Variants in ZNF423 observed in about 807,000 individuals in gnomAD.
The protein encoded by ZNF423 is zinc finger protein 423.
In ZNF423, 12 loss-of-function variants were observed where a neutral mutation model predicts 95.8. That is an observed-to-expected ratio of 0.13 (90% CI 0.08 to 0.20). ZNF423 has a LOEUF of 0.20. ZNF423 is among the 10% of genes least tolerant of loss of function. ZNF423 has a pLI of 1.00. For missense variants in ZNF423, 1,316 were observed against 1,737.1 expected (o/e 0.76, Z 4.31); for synonymous variants, 749 against 711.9 (o/e 1.05, Z -0.83).
intron 5 of ZNF423, among the ~76,000 whole-genome samples, chr16:49,560,722 C>A (rs759972472): frequency 3.3e-5 from 5 of 152,118 alleles, no homozygotes; most frequent in Non-Finnish European, 7.3e-5. Flanking sequence ...TCCCCAGACA[C>A]GCCACAGTGT....
chr16:49,729,926 G>T (rs1204615406), intron 3 of ZNF423, among the ~76,000 whole-genome samples: 2 of 152,036 alleles, frequency 1.3e-5, no homozygotes, highest in African/African-American at 4.8e-5. Flanking sequence ...GAGATTTCAG[G>T]CTTTCTTCCA....
chr16:49,815,937 G>C (rs1171868168), intron 1 of ZNF423, among the ~76,000 whole-genome samples: 1 of 25,328 alleles, frequency 3.9e-5, no homozygotes, highest in South Asian at 1.5e-3. Context: ...TTTTTTTTTT[G>C]AGACAAAGTC....
intron 1 of ZNF423, among the ~76,000 whole-genome samples, chr16:49,799,159 C>A (rs1344951727): frequency 6.6e-6 from 1 of 152,172 alleles, no homozygotes; most frequent in Admixed American, 6.5e-5. Context: ...CCACCCTGAT[C>A]TTCTGTCTCT....
intron 2 of ZNF423, among the ~76,000 whole-genome samples, chr16:49,785,158 C>T (rs1046168619): frequency 6.6e-6 from 1 of 152,078 alleles, no homozygotes; most frequent in African/African-American, 2.4e-5. Flanking sequence ...CTCACCGTAA[C>T]CTCAAACTCT....
At chr16:49,493,508 T>C (rs1014810904) in intron 7 of ZNF423, among the ~76,000 whole-genome samples, 13 of 152,148 alleles carry the variant, frequency 8.5e-5, no homozygotes, top group Admixed American at 1.3e-4. Flanking sequence ...CTTGGAGGTC[T>C]GCACTTTCAC....
chr16:49,822,459 C>T (rs1351106203), intron 1 of ZNF423, among the ~76,000 whole-genome samples: 2 of 152,132 alleles, frequency 1.3e-5, no homozygotes, highest in African/African-American at 2.4e-5. Context: ...CAGGCATGAG[C>T]CACCACATCC....
At chr16:49,553,387 C>T (rs1050953828) in intron 5 of ZNF423, among the ~76,000 whole-genome samples, 1 of 152,128 alleles carries the variant, frequency 6.6e-6, no homozygotes, top group Non-Finnish European at 1.5e-5. Flanking sequence ...TGCTCTGCCA[C>T]ATAGGCTGGA....
chr16:49,559,589 T>A (rs1969951881), intron 5 of ZNF423, among the ~76,000 whole-genome samples: 1 of 152,220 alleles, frequency 6.6e-6, no homozygotes, highest in African/African-American at 2.4e-5. Context: ...CAGGACTTAA[T>A]ATCCTTGTCA....
At chr16:49,686,693 C>T (rs1183035817) in intron 3 of ZNF423, among the ~76,000 whole-genome samples, 6 of 121,678 alleles carry the variant, frequency 4.9e-5, no homozygotes, top group Admixed American at 3.5e-4. Flanking sequence ...TGTCCCCTGA[C>T]CAAGGCAGAC....
intron 5 of ZNF423, among the ~76,000 whole-genome samples, chr16:49,593,950 C>T (rs958430612): frequency 2.0e-5 from 3 of 152,100 alleles, no homozygotes; most frequent in African/African-American, 7.2e-5. Flanking sequence ...CCCGCAGGTT[C>T]CCCAGAGGCA....
chr16:49,722,032 T>C (rs890161062), intron 3 of ZNF423, among the ~76,000 whole-genome samples: 1 of 152,076 alleles, frequency 6.6e-6, no homozygotes, highest in Non-Finnish European at 1.5e-5. Context: ...TGAATAAAAA[T>C]GTCAGCAACT....
chr16:49,661,506 G>A (rs1190820450), intron 3 of ZNF423, among the ~76,000 whole-genome samples: 2 of 152,146 alleles, frequency 1.3e-5, no homozygotes, highest in Non-Finnish European at 2.9e-5. Context: ...ATTTTTTCAG[G>A]AGGAATTCGG....
intron 2 of ZNF423, among the ~76,000 whole-genome samples, chr16:49,747,909 C>T (rs546267126): frequency 5.3e-5 from 8 of 152,322 alleles, no homozygotes; most frequent in African/African-American, 1.7e-4. Flanking sequence ...TCCCTCCCTC[C>T]GGTGTGGAGG....
At chr16:49,707,085 C>G (rs1019630060) in intron 3 of ZNF423, among the ~76,000 whole-genome samples, 1 of 152,174 alleles carries the variant, frequency 6.6e-6, no homozygotes, top group Non-Finnish European at 1.5e-5. Flanking sequence ...CCATGGCCTG[C>G]GAGGCACTAT....
At chr16:49,813,913 T>C (rs2034794777) in intron 1 of ZNF423, among the ~76,000 whole-genome samples, 1 of 152,186 alleles carries the variant, frequency 6.6e-6, no homozygotes, top group African/African-American at 2.4e-5. Context: ...CCAACTCCTA[T>C]AAATGCCTTG....
intron 3 of ZNF423, among the ~76,000 whole-genome samples, chr16:49,672,315 C>T (rs1365525092): frequency 2.0e-5 from 3 of 152,230 alleles, no homozygotes; most frequent in African/African-American, 7.2e-5. Context: ...TCCACTGCCT[C>T]TTTAATCTTC....
intron 7 of ZNF423, among the ~76,000 whole-genome samples, chr16:49,512,160 CCT>C (rs1418329297): frequency 6.6e-6 from 1 of 152,196 alleles, no homozygotes; most frequent in Non-Finnish European, 1.5e-5. Flanking sequence ...TTAGTCTATG[CCT>C]CTGTTTGTCC....
At chr16:49,569,021 G>A (rs1387067175) in intron 5 of ZNF423, among the ~76,000 whole-genome samples, 1 of 151,974 alleles carries the variant, frequency 6.6e-6, no homozygotes, top group African/African-American at 2.4e-5. Flanking sequence ...AGGTTTCCCA[G>A]AACAACATCC....
intron 2 of ZNF423, among the ~76,000 whole-genome samples, chr16:49,739,207 G>C (rs563255649): frequency 2.6e-5 from 4 of 152,170 alleles, no homozygotes; most frequent in African/African-American, 9.7e-5. Context: ...TACAAAGCCA[G>C]ATGCTTGGCT....
Sources: allele counts gnomAD v4.1 joint callset (sites outside exome capture counted in the v4.1 genomes callset), GRCh38; gene constraint gnomAD v4.1.1; transcripts MANE v1.5; gene names NCBI Gene and HGNC (gene_info 2026-07-23, HGNC 2026-07-21).